Variants in LAMB1 observed in about 807,000 individuals in gnomAD.
The protein encoded by LAMB1 is laminin subunit beta 1.
In LAMB1, 121 loss-of-function variants were observed where a neutral mutation model predicts 222.3. The ratio of observed to expected loss-of-function variants is 0.54; its 90% CI spans 0.47 to 0.63. The LOEUF is 0.63. Among genes scored for constraint, LAMB1 ranks in the 30% least tolerant of loss-of-function variants. LAMB1 has a pLI of 0.00. For synonymous variants in LAMB1, 794 were observed against 807.2 expected (o/e 0.98, Z 0.28); for missense variants, 2,172 against 2,240.8 (o/e 0.97, Z 0.62).
At chr7:107,964,929 G>A (rs776440359) in intron 13 of LAMB1, among the ~76,000 whole-genome samples, 19 of 152,114 alleles carry the variant, frequency 1.2e-4, no homozygotes, top group African/African-American at 1.9e-4. Context: ...TGACTAACAC[G>A]CCGTCCGCAT....
At chr7:107,965,456 G>A (rs1367637358) in intron 13 of LAMB1, among the ~76,000 whole-genome samples, 1 of 152,112 alleles carries the variant, frequency 6.6e-6, no homozygotes, top group Non-Finnish European at 1.5e-5. Context: ...GCGCAGGCCT[G>A]TAATCCCAGA....
intron 12 of LAMB1, among the ~76,000 whole-genome samples, chr7:107,973,691 G>C (rs1351448924): frequency 6.6e-5 from 10 of 152,230 alleles, no homozygotes; most frequent in African/African-American, 2.4e-4. Context: ...TGTTGCCCAG[G>C]CTGGAGTGCA....
chr7:107,980,923 A>C, intron 7 of LAMB1, 112 bp from the exon 8 acceptor site: 1 of 640,196 alleles, frequency 1.6e-6, no homozygotes, highest in South Asian at 1.9e-5. Context: ...AAAATAGCTT[A>C]AGTTCCTCCT....
In LAMB1 at chr7:107,975,305, T is replaced by C. The variant is rs2033829321; in HGVS notation, c.1298A>G (p.Glu433Gly). Reference sequence around the variant, plus strand: ...TTTGCAAACATCACAATGTTCTCCTTCCACATTTAATTTACACCGACACTG... The same window carrying C: ...TTTGCAAACATCACAATGTTCTCCTCCCACATTTAATTTACACCGACACTG... ...AGQCRCKLNVEGEHCDVCKEG... is the reference protein window; with the variant it reads ...AGQCRCKLNVGGEHCDVCKEG... The change falls in exon 11 of 34, where the codon GAA becomes GGA. Residue 433 changes from glutamate (E) to glycine (G), a missense_variant. Coordinates refer to ENST00000222399, the MANE Select transcript of LAMB1 (RefSeq NM_002291.3). 6.2e-7 allele frequency: 1 copy of C among 1,614,026 alleles called. No homozygotes were observed. Among genetic ancestry groups the C allele is most frequent in the Non-Finnish European group, 8.5e-7 (1 of 1,179,936 alleles).
At chr7:107,932,409 T>G in intron 27 of LAMB1, 32 bp from the exon 28 acceptor site, 1 of 1,606,320 alleles carries the variant, frequency 6.2e-7, no homozygotes, top group Non-Finnish European at 8.5e-7. Context: ...GCACAATACT[T>G]CGGATAGTGA....
intron 8 of LAMB1, among the ~76,000 whole-genome samples, chr7:107,979,113 T>A (rs2033924254): frequency 6.6e-6 from 1 of 152,250 alleles, no homozygotes; most frequent in African/African-American, 2.4e-5. Flanking sequence ...CAACAGCACA[T>A]GCTGTGAGAC....
chr7:107,995,056 C>G, intron 4 of LAMB1, 96 bp from the exon 5 acceptor site: 4 of 665,684 alleles, frequency 6.0e-6, no homozygotes, highest in Non-Finnish European at 1.0e-5. Context: ...CTTTTATGTT[C>G]CCCATAGAAA....
chr7:107,998,162 T>A (rs1200669460), intron 4 of LAMB1, among the ~76,000 whole-genome samples, 195 bp downstream of exon 4: 1 of 152,158 alleles, frequency 6.6e-6, no homozygotes, highest in Non-Finnish European at 1.5e-5. Flanking sequence ...ACTGCTTTCT[T>A]ATAGGAAATA....
Position 107,986,272 on chromosome 7 carries a change from G to T in LAMB1, c.515C>A (p.Ala172Asp). 1 of 1,614,040 alleles carries T rather than the reference G, an allele frequency of 6.2e-7. No individual in the cohort carries two copies. Among genetic ancestry groups the T allele is most frequent in the Non-Finnish European group, 8.5e-7 (1 of 1,179,950 alleles). The change falls in exon 6 of 34, where the codon GCC (alanine) becomes GAC (aspartate). Residue 172 changes from alanine (A) to aspartate (D), a missense_variant. Coordinates refer to ENST00000222399, the MANE Select transcript of LAMB1 (RefSeq NM_002291.3). ...GCCAGTTGAAATGCCTGGAAACGAG[G>T]CCTCACAGTCATAGGCGAAGTATCT... ...VYRYFAYDCEASFPGISTGPM... is the reference protein window; with the variant it reads ...VYRYFAYDCEDSFPGISTGPM...
chr7:107,978,476 G>T (rs1235964262), intron 8 of LAMB1, among the ~76,000 whole-genome samples: 1 of 147,720 alleles, frequency 6.8e-6, no homozygotes, highest in Non-Finnish European at 1.5e-5. Context: ...AAAAAAACTA[G>T]TTACTTAAGA....
intron 13 of LAMB1, 90 bp from the exon 14 acceptor site, chr7:107,964,777 C>G: frequency 3.6e-6 from 5 of 1,406,154 alleles, no homozygotes; most frequent in Non-Finnish European, 4.9e-6. Context: ...TTACTCAGTA[C>G]ACAGGACCAA....
chr7:107,959,866 A>C lies in LAMB1; in HGVS notation c.2315-32T>G, dbSNP rs1277575003. Reference sequence around the variant, plus strand: ...GTAAAGAGAGGCCAGAACCCATGACACGGAGCAGCACATCATCGGGCTCTC... The same window carrying C: ...GTAAAGAGAGGCCAGAACCCATGACCCGGAGCAGCACATCATCGGGCTCTC... On this transcript the variant is annotated intron_variant, in intron 18 of 33. Transcript: ENST00000222399. 8 of 1,601,772 alleles carry C rather than the reference A, an allele frequency of 5.0e-6. No homozygotes were observed. The South Asian group carries it at 8.9e-5, about 18-fold the overall frequency.
chr7:108,003,009 T>G, intron 1 of LAMB1, 38 bp from the exon 2 acceptor site: 1 of 1,527,176 alleles, frequency 6.5e-7, no homozygotes, highest in Non-Finnish European at 8.7e-7. Context: ...AGGCAAATGT[T>G]CAAAGAGAGA....
In LAMB1 at chr7:107,944,480, A is replaced by C. The variant is rs79873077; in HGVS notation, c.3392-4122T>G. Among the ~76,000 whole-genome samples, 1,404 of 152,230 alleles carry C rather than the reference A, an allele frequency of 9.2e-3. 11 individuals are homozygous for C. The highest frequency in any genetic ancestry group is 0.014 in the Non-Finnish European group (923 of 68,016). Reference sequence around the variant, plus strand: ...CTCCCACCTGAAAAGTAAACCATCAAATCTCACAGATGACCGGATTGCAGT... The same window carrying C: ...CTCCCACCTGAAAAGTAAACCATCACATCTCACAGATGACCGGATTGCAGT... On this transcript the variant is annotated intron_variant, in intron 24 of 33. Transcript: ENST00000222399.
At chr7:107,935,366 T>TTTTGC in intron 27 of LAMB1, 49 bp downstream of exon 27, 1 of 1,096,706 alleles carries the variant, frequency 9.1e-7, no homozygotes, top group South Asian at 2.8e-5. Context: ...TTTTTTTTTT[T>TTTTGC]TTTTTTTGCT....
chr7:107,937,128 TCAG>T lies in LAMB1; in HGVS notation c.3908_3910del (p.Ala1303del). Reference sequence around the variant, plus strand: ...TGAGTTTTTGATAAATTCCAGTTGTTCAGCAAGTTCTTTCACAGTGTTGTCTAG... The same window carrying T: ...TGAGTTTTTGATAAATTCCAGTTGTTCAAGTTCTTTCACAGTGTTGTCTAG... On this transcript the variant is annotated inframe_deletion, in exon 26 of 34. Transcript: ENST00000222399. 1 of 1,613,930 alleles carries T rather than the reference TCAG, an allele frequency of 6.2e-7. No individual in the cohort carries two copies. The highest frequency in any genetic ancestry group is 8.5e-7 in the Non-Finnish European group (1 of 1,179,950).
intron 24 of LAMB1, among the ~76,000 whole-genome samples, chr7:107,941,878 T>C (rs12672634): frequency 0.37 from 50,745 of 137,836 alleles, 9,649 homozygotes; most frequent in East Asian, 0.46. Flanking sequence ...TGTTTCTCCA[T>C]GTTGGTCAGG....
intron 24 of LAMB1, among the ~76,000 whole-genome samples, chr7:107,945,490 T>C (rs916978732): frequency 6.6e-6 from 1 of 152,230 alleles, no homozygotes; most frequent in Admixed American, 6.5e-5. Context: ...GCTGAGACTG[T>C]TTCCCGAGGG....
chr7:107,986,033 G>A lies in LAMB1; in HGVS notation c.665C>T (p.Pro222Leu). ...PAFKIEDPYS[P>L]RIQNLLKITN... ...GAAAATGAACTTACTCTGTATCCTT[G>A]GGCTATAAGGATCTTCTATTTTGAA... The change falls in exon 7 of 34, where the codon CCA becomes CTA. Residue 222 changes from proline to leucine, a missense_variant. Transcript: ENST00000222399. 1 of 1,604,436 alleles carries A rather than the reference G, an allele frequency of 6.2e-7. No homozygotes were observed. The highest frequency in any genetic ancestry group is 1.1e-5 in the South Asian group (1 of 90,844).
Sources: allele counts gnomAD v4.1 joint callset (sites outside exome capture counted in the v4.1 genomes callset), GRCh38; gene constraint gnomAD v4.1.1; transcripts MANE v1.5; gene names NCBI Gene and HGNC (gene_info 2026-07-23, HGNC 2026-07-21).